The following RAPGEF5 variants were observed in gnomAD, a reference collection of about 807,000 sequenced individuals.
The protein encoded by RAPGEF5 is Rap guanine nucleotide exchange factor 5.
A neutral mutation model predicts 125.2 loss-of-function variants in RAPGEF5; 65 were observed. The ratio of observed to expected loss-of-function variants is 0.52; its 90% CI spans 0.43 to 0.64. The LOEUF (loss-of-function observed/expected upper bound fraction) is 0.64, where lower values mean the gene tolerates loss of function less well. Ranked by LOEUF, RAPGEF5 falls within the 30% of genes least tolerant of loss-of-function variation. RAPGEF5 has a pLI of 0.00. For synonymous variants in RAPGEF5, 391 were observed against 385.9 expected, an observed-to-expected ratio of 1.01 and a Z score of -0.16; for missense variants, 958 against 1,048.1, an observed-to-expected ratio of 0.91 and a Z score of 1.19.
At chr7:22,266,465 T>C (rs866035713) in intron 7 of RAPGEF5, among the ~76,000 whole-genome samples, 1 of 152,304 alleles carries the variant, frequency 6.6e-6, no homozygotes, top group South Asian at 2.1e-4. Flanking sequence ...TTATATCCTA[T>C]AGGTATGAGG....
At chr7:22,204,454 TTGTG>T (rs371368579) in intron 9 of RAPGEF5, among the ~76,000 whole-genome samples, 1 of 152,086 alleles carries the variant, frequency 6.6e-6, no homozygotes, top group African/African-American at 2.4e-5. Flanking sequence ...GAGGAAATGC[TTGTG>T]TGTGTGTGCA....
At chr7:22,135,234 A>G (rs1033600802) in intron 23 of RAPGEF5, among the ~76,000 whole-genome samples, 1 of 152,212 alleles carries the variant, frequency 6.6e-6, no homozygotes, top group African/African-American at 2.4e-5. Context: ...GCCTCTGAAG[A>G]AAAGAGGCTG....
chr7:22,340,014 A>G (rs1784096135), intron 1 of RAPGEF5, among the ~76,000 whole-genome samples: 1 of 152,174 alleles, frequency 6.6e-6, no homozygotes, highest in Admixed American at 6.5e-5. Context: ...ATATTCTAAA[A>G]AAAATTAATA....
chr7:22,195,477 T>C (rs547332983), intron 9 of RAPGEF5, among the ~76,000 whole-genome samples: 106 of 152,326 alleles, frequency 7.0e-4, no homozygotes, highest in African/African-American at 2.5e-3. Flanking sequence ...AATCTTTTAG[T>C]GGTAAATAAT....
intron 11 of RAPGEF5, among the ~76,000 whole-genome samples, chr7:22,190,381 G>C (rs746968198): frequency 6.6e-5 from 10 of 152,090 alleles, no homozygotes; most frequent in Non-Finnish European, 1.3e-4. Context: ...CGTACTTGAG[G>C]GATTATGAAA....
chr7:22,150,688 T>C (rs1038487413), intron 17 of RAPGEF5, among the ~76,000 whole-genome samples, 184 bp from the exon 18 acceptor site: 5 of 152,204 alleles, frequency 3.3e-5, no homozygotes, highest in Admixed American at 2.6e-4. Flanking sequence ...GCATCACAAA[T>C]AGCTCTCACT....
At chr7:22,295,954 G>T (rs1783050577) in intron 5 of RAPGEF5, among the ~76,000 whole-genome samples, 1 of 151,970 alleles carries the variant, frequency 6.6e-6, no homozygotes, top group African/African-American at 2.4e-5. Flanking sequence ...GGAGGCCAAG[G>T]GATGTCTCAT....
Position 22,301,291 on chromosome 7 carries a change from G to T in RAPGEF5, c.680+7048C>A, listed in dbSNP as rs1227645494. On this transcript the variant is annotated intron_variant, in intron 5 of 25. Transcript: ENST00000665637. ...GCCATAGTTAACGTCTCATAAACAA[G>T]AGGCCAAAAAGTCAAGGTTTGCAGC... is the stretch of plus-strand genomic sequence containing the variant. 3.9e-5 allele frequency among the ~76,000 whole-genome samples: 6 copies of T among 152,174 alleles called. No homozygotes were observed. The East Asian group carries it at 1.2e-3, about 29-fold the overall frequency.
chr7:22,214,220 C>CA (rs1472514772), intron 9 of RAPGEF5, among the ~76,000 whole-genome samples: 1 of 152,112 alleles, frequency 6.6e-6, no homozygotes. Context: ...TCAGAGTGTG[C>CA]AAAATCCCCT....
At chr7:22,265,225 A>T (rs994449833) in intron 7 of RAPGEF5, among the ~76,000 whole-genome samples, 5 of 151,794 alleles carry the variant, frequency 3.3e-5, no homozygotes, top group African/African-American at 1.2e-4. Context: ...ACTCCGTCTA[A>T]CTATACTTTT....
intron 11 of RAPGEF5, among the ~76,000 whole-genome samples, chr7:22,182,941 C>T (rs1045892293): frequency 6.6e-6 from 1 of 152,096 alleles, no homozygotes; most frequent in Non-Finnish European, 1.5e-5. Flanking sequence ...ACAATAAAAG[C>T]AAGGACTATT....
At chr7:22,246,049 A>G (rs1786467666) in intron 7 of RAPGEF5, among the ~76,000 whole-genome samples, 1 of 152,172 alleles carries the variant, frequency 6.6e-6, no homozygotes, top group South Asian at 2.1e-4. Flanking sequence ...TACAAGGACA[A>G]CTACAGAACA....
intron 6 of RAPGEF5, among the ~76,000 whole-genome samples, chr7:22,277,245 T>G (rs533858136): frequency 1.3e-5 from 2 of 152,176 alleles, no homozygotes; most frequent in Non-Finnish European, 2.9e-5. Flanking sequence ...ACGTCAGAGG[T>G]ATCAATCAAC....
At chr7:22,318,518 C>A (rs751223183) in intron 1 of RAPGEF5, among the ~76,000 whole-genome samples, 2 of 152,136 alleles carry the variant, frequency 1.3e-5, no homozygotes, top group East Asian at 3.8e-4. Context: ...ATAGAGGATC[C>A]CTTATTGCTT....
At chr7:22,161,684 C>T (rs4722102) in intron 13 of RAPGEF5, among the ~76,000 whole-genome samples, 147,832 of 152,310 alleles carry the variant, frequency 0.97, 71,763 homozygotes, top group East Asian at 0.99. Context: ...TCGTTTTTAA[C>T]TGGATGCCTA....
chr7:22,164,787 C>T lies in RAPGEF5; in HGVS notation c.1284-2246G>A, dbSNP rs539080486. 2.6e-5 allele frequency among the ~76,000 whole-genome samples: 4 copies of T among 152,226 alleles called. No homozygotes were observed. In the South Asian group the frequency reaches 6.2e-4, roughly 24 times the overall value. On this transcript the variant is annotated intron_variant, in intron 12 of 25. Coordinates refer to ENST00000665637, the MANE Select transcript of RAPGEF5 (RefSeq NM_012294.5). ...TGAGAGTTATAACTTCTATGTAATGCACAGAATATTAGCTGGCTCAGAGCT... is the reference window on the plus strand; with the variant it reads ...TGAGAGTTATAACTTCTATGTAATGTACAGAATATTAGCTGGCTCAGAGCT...
chr7:22,344,716 A>T (rs1183755887), intron 1 of RAPGEF5, among the ~76,000 whole-genome samples: 1 of 152,260 alleles, frequency 6.6e-6, no homozygotes, highest in African/African-American at 2.4e-5. Flanking sequence ...CAGAATAGCC[A>T]GCATAGCTGC....
At position 22,310,083 on chromosome 7, in the gene RAPGEF5, A is replaced by C. The variant is rs775999419; in HGVS notation, c.397T>G (p.Cys133Gly). The C allele has an allele frequency of 1.1e-5, 18 of 1,569,420 alleles. No homozygotes were observed. The highest frequency in any genetic ancestry group is 1.5e-5 in the Non-Finnish European group (18 of 1,163,276). Reference protein sequence around the residue: ...VNLKGFYRRSCVGSELVDWLL... With the variant: ...VNLKGFYRRSGVGSELVDWLL... ...CAGTCTACCAGCTCTGACCCAACGC[A>C]GCTCCTCCTGAACAAAAGCAAAGCC... The change falls in exon 4 of 26, where the codon TGC (cysteine) becomes GGC (glycine). Residue 133 changes from cysteine (C) to glycine (G), a missense_variant. By Grantham distance (159) the Cys-to-Gly change is radical. Coordinates refer to ENST00000665637, the MANE Select transcript of RAPGEF5 (RefSeq NM_012294.5).
At chr7:22,150,611 C>T (rs1783597462) in intron 17 of RAPGEF5, 107 bp from the exon 18 acceptor site, 1 of 1,389,874 alleles carries the variant, frequency 7.2e-7, no homozygotes, top group African/African-American at 1.5e-5. Flanking sequence ...AAGAAAAATA[C>T]TTAAAAGTAA....
Sources: gnomAD v4.1 joint callset for allele counts (sites outside exome capture counted in the v4.1 genomes callset) on GRCh38, gnomAD v4.1.1 for gene constraint, MANE v1.5 for transcripts, NCBI Gene and HGNC (gene_info 2026-07-23, HGNC 2026-07-21) for gene names.